The following RNF115 variants were observed in gnomAD, a reference collection of about 807,000 sequenced individuals.
RNF115 encodes ring finger protein 115, also known as E3 ubiquitin-protein ligase RNF115.
RNF115 carries 31 observed loss-of-function variants against 39.2 expected under a neutral mutation model. The ratio of observed to expected loss-of-function variants is 0.79; its 90% CI spans 0.59 to 1.07. The LOEUF (loss-of-function observed/expected upper bound fraction) is 1.07. Among genes scored for constraint, RNF115 ranks in the 50% least tolerant of loss-of-function variants. RNF115 has a pLI of 0.00. For synonymous variants in RNF115, 124 were observed against 131.0 expected (o/e 0.95, Z 0.37); for missense variants, 384 against 381.7 (o/e 1.01, Z -0.05).
chr1:145,776,164 ATTT>A (rs35710154), intron 3 of RNF115, among the ~76,000 whole-genome samples: 1 of 121,778 alleles, frequency 8.2e-6, no homozygotes, highest in Non-Finnish European at 1.6e-5. Flanking sequence ...TCTGACCAAC[ATTT>A]TTTTTTTTTT....
chr1:145,793,536 TC>T (rs1559123765), intron 1 of RNF115, among the ~76,000 whole-genome samples: 1 of 151,860 alleles, frequency 6.6e-6, no homozygotes, highest in African/African-American at 2.4e-5. Context: ...ACATGCCAAC[TC>T]CCCCCAAATG....
At chr1:145,779,944 A>G (rs1553717081) in intron 3 of RNF115, among the ~76,000 whole-genome samples, 1 of 151,628 alleles carries the variant, frequency 6.6e-6, no homozygotes, top group African/African-American at 2.4e-5. Flanking sequence ...AAAAAAGCTT[A>G]GGCCCAGGCA....
intron 1 of RNF115, among the ~76,000 whole-genome samples, chr1:145,795,555 T>C (rs181416253): frequency 2.4e-4 from 37 of 152,238 alleles, no homozygotes; most frequent in Admixed American, 3.3e-4. Context: ...TTGGCGCATT[T>C]ACAATGCTTT....
At chr1:145,769,060 G>A (rs985482009) in intron 4 of RNF115, among the ~76,000 whole-genome samples, 3 of 152,186 alleles carry the variant, frequency 2.0e-5, no homozygotes, top group Non-Finnish European at 4.4e-5. Context: ...TAAAAAATAA[G>A]TGAGAAGGCT....
intron 1 of RNF115, among the ~76,000 whole-genome samples, chr1:145,818,150 G>C (rs1242149054): frequency 6.6e-6 from 1 of 151,776 alleles, no homozygotes; most frequent in African/African-American, 2.4e-5. Flanking sequence ...TGGTAGTTCC[G>C]TTTTAAGTTC....
intron 4 of RNF115, among the ~76,000 whole-genome samples, chr1:145,768,677 C>A (rs1368359568): frequency 6.6e-6 from 1 of 152,156 alleles, no homozygotes; most frequent in East Asian, 1.9e-4. Context: ...TGAGATGCAG[C>A]CCATGGAAAC....
intron 8 of RNF115, among the ~76,000 whole-genome samples, chr1:145,747,676 T>C (rs925207832): frequency 6.6e-6 from 1 of 152,052 alleles, no homozygotes; most frequent in Non-Finnish European, 1.5e-5. Context: ...AAATAAGTAT[T>C]TTAGGCTTTG....
intron 4 of RNF115, among the ~76,000 whole-genome samples, chr1:145,765,372 C>T (rs587747847): frequency 2.0e-4 from 30 of 151,678 alleles, no homozygotes; most frequent in African/African-American, 6.5e-4. Context: ...TGTCCTATGA[C>T]CCTGCCAAAT....
intron 1 of RNF115, among the ~76,000 whole-genome samples, chr1:145,817,024 T>C (rs1479505869): frequency 1.5e-5 from 1 of 66,806 alleles, no homozygotes; most frequent in African/African-American, 4.4e-5. Context: ...GGTCTAAAAA[T>C]AGATAATGCA....
chr1:145,780,662 T>C (rs1648101606), intron 3 of RNF115, among the ~76,000 whole-genome samples: 1 of 151,066 alleles, frequency 6.6e-6, no homozygotes, highest in African/African-American at 2.4e-5. Context: ...AAGATACATA[T>C]TTTTAAATTT....
intron 3 of RNF115, 68 bp downstream of exon 3, chr1:145,784,471 T>C: frequency 7.4e-7 from 1 of 1,354,774 alleles, no homozygotes; most frequent in Non-Finnish European, 1.1e-6. Flanking sequence ...ACTGGAAAGT[T>C]AGTATCTGCC....
intron 4 of RNF115, among the ~76,000 whole-genome samples, chr1:145,769,466 G>GCA (rs1190115734): frequency 6.6e-6 from 1 of 152,010 alleles, no homozygotes; most frequent in Non-Finnish European, 1.5e-5. Context: ...AACCGATACT[G>GCA]CACTAGAAGC....
chr1:145,751,608 A>G (rs1658093475), intron 5 of RNF115, 98 bp from the exon 6 acceptor site: 3 of 697,852 alleles, frequency 4.3e-6, no homozygotes, highest in Non-Finnish European at 7.3e-6. Flanking sequence ...TCTCTCTCAG[A>G]GCTGGAAAGT....
At chr1:145,795,420 G>A (rs1043865821) in intron 1 of RNF115, among the ~76,000 whole-genome samples, 8 of 152,058 alleles carry the variant, frequency 5.3e-5, no homozygotes, top group African/African-American at 1.7e-4. Context: ...CCCCGCCCAC[G>A]TCCTGCTTGA....
At chr1:145,748,918 A>G (rs1657978736) in intron 7 of RNF115, among the ~76,000 whole-genome samples, 1 of 152,018 alleles carries the variant, frequency 6.6e-6, no homozygotes, top group South Asian at 2.1e-4. Context: ...AAGCTATACC[A>G]GAAAAGAAGA....
At position 145,771,818 on chromosome 1, in the gene RNF115, G is replaced by A; in HGVS notation, c.321C>T (p.His107=). 6.2e-7 allele frequency: 1 copy of A among 1,614,042 alleles called. No homozygotes were observed. Among genetic ancestry groups the A allele is most frequent in the Non-Finnish European group, 8.5e-7 (1 of 1,179,948 alleles). ...DQDNRANERG[H]QTHTDFWGAR... ...CTCCCCAGAAGTCAGTGTGAGTCTG[G>A]TGACCCCTTTCATTGGCTCTATTAT... is the stretch of plus-strand genomic sequence containing the variant. The change falls in exon 4 of 9, where the codon CAC becomes CAT. Residue 107 remains histidine (H), a synonymous_variant. Coordinates refer to ENST00000582693, the MANE Select transcript of RNF115 (RefSeq NM_014455.4).
At chr1:145,803,996 G>C (rs1200179256) in intron 1 of RNF115, among the ~76,000 whole-genome samples, 1 of 152,154 alleles carries the variant, frequency 6.6e-6, no homozygotes, top group African/African-American at 2.4e-5. Context: ...GCAAGAAAGG[G>C]AACAACCCAG....
chr1:145,798,798 A>G (rs797040385), intron 1 of RNF115, among the ~76,000 whole-genome samples: 7 of 152,304 alleles, frequency 4.6e-5, no homozygotes, highest in African/African-American at 1.7e-4. Context: ...CCATGAACAC[A>G]GGATGTCTTT....
At chr1:145,747,204 A>G (rs587765985) in intron 8 of RNF115, among the ~76,000 whole-genome samples, 12 of 152,330 alleles carry the variant, frequency 7.9e-5, no homozygotes, top group African/African-American at 2.6e-4. Context: ...CAGAACTGAC[A>G]GGAATAATTC....
Sources: gnomAD v4.1 joint callset for allele counts (sites outside exome capture counted in the v4.1 genomes callset) on GRCh38, gnomAD v4.1.1 for gene constraint, MANE v1.5 for transcripts, NCBI Gene and HGNC (gene_info 2026-07-23, HGNC 2026-07-21) for gene names.